The following NCAM2 variants were observed in gnomAD, a reference collection of about 807,000 sequenced individuals.
The protein encoded by NCAM2 is N-CAM-2.
A neutral mutation model predicts 98.1 loss-of-function variants in NCAM2; 30 were observed. The observed-to-expected ratio is 0.31, with a 90% CI of 0.23 to 0.41. The LOEUF is 0.41. NCAM2 is among the 10% of genes least tolerant of loss of function. The pLI is 1.00. For synonymous variants in NCAM2, 368 were observed against 342.4 expected (o/e 1.07, Z -0.83); for missense variants, 867 against 1,005.8 (o/e 0.86, Z 1.87).
chr21:21,533,350 G>A (rs1354761937), intron 16 of NCAM2, among the ~76,000 whole-genome samples: 2 of 151,460 alleles, frequency 1.3e-5, no homozygotes, highest in Non-Finnish European at 3.0e-5. Flanking sequence ...TGTCATTTCC[G>A]GAATGTCATA....
intron 12 of NCAM2, among the ~76,000 whole-genome samples, chr21:21,452,585 T>C (rs1168692673): frequency 8.0e-5 from 7 of 87,598 alleles, no homozygotes; most frequent in Admixed American, 7.8e-4. Context: ...TGTATATATA[T>C]TGTATTGTGC....
At chr21:21,034,773 A>G (rs527959189) in intron 1 of NCAM2, among the ~76,000 whole-genome samples, 1 of 152,264 alleles carries the variant, frequency 6.6e-6, no homozygotes, top group Admixed American at 6.5e-5. Flanking sequence ...CCAGTCCCTC[A>G]TCTACAAAAC....
chr21:21,346,041 A>T (rs1487370957), intron 8 of NCAM2, among the ~76,000 whole-genome samples: 5 of 152,128 alleles, frequency 3.3e-5, no homozygotes, highest in Non-Finnish European at 5.9e-5. Flanking sequence ...GTCCTAACTT[A>T]TGAATAATAA....
chr21:21,259,919 AACACACACACACACACACAC>A (rs10618210), intron 1 of NCAM2, among the ~76,000 whole-genome samples: 34 of 141,972 alleles, frequency 2.4e-4, no homozygotes, highest in Admixed American at 7.9e-4. Flanking sequence ...AATAAGAAGC[AACACACACACACACACACAC>A]ACACACACAC....
rs145291951 is a variant in NCAM2, at chr21:21,171,960, T to TA, written c.56-108613dup. Among the ~76,000 whole-genome samples the TA allele has an allele frequency of 1.2e-3, 177 of 152,252 alleles. 1 individual carries two copies. Among genetic ancestry groups the TA allele is most frequent in the African/African-American group, 4.2e-3 (173 of 41,560 alleles). ...GCAAGAACTTCAGTCCCTTATGTTT[T>TA]AAAAAGCCTAATCACTGTAAGCAAA... On this transcript the variant is annotated intron_variant, in intron 1 of 17. Transcript: ENST00000400546.
intron 12 of NCAM2, among the ~76,000 whole-genome samples, chr21:21,457,035 G>A (rs766435344): frequency 6.6e-5 from 10 of 152,108 alleles, no homozygotes; most frequent in Non-Finnish European, 1.5e-4. Context: ...AAAAAGTAGA[G>A]GTGCTGCTCT....
chr21:21,241,188 T>C (rs577248654), intron 1 of NCAM2, among the ~76,000 whole-genome samples: 1 of 152,246 alleles, frequency 6.6e-6, no homozygotes, highest in East Asian at 1.9e-4. Context: ...TTTGGACATT[T>C]AGAATGTCAA....
intron 1 of NCAM2, among the ~76,000 whole-genome samples, chr21:21,238,617 T>C (rs1291343587): frequency 6.0e-5 from 1 of 16,762 alleles, no homozygotes; most frequent in East Asian, 1.7e-3. Context: ...GAATATGGTG[T>C]GCCAATACTC....
chr21:21,318,301 CTT>C (rs1178803209), intron 5 of NCAM2, among the ~76,000 whole-genome samples: 2 of 152,116 alleles, frequency 1.3e-5, no homozygotes, highest in African/African-American at 2.4e-5. Flanking sequence ...TATTTATTGA[CTT>C]GAGAGATCTT....
At chr21:21,066,885 A>G (rs1164609612) in intron 1 of NCAM2, among the ~76,000 whole-genome samples, 3 of 152,066 alleles carry the variant, frequency 2.0e-5, no homozygotes, top group African/African-American at 7.2e-5. Flanking sequence ...GGAAGTGATC[A>G]TTTGATCTTA....
chr21:21,126,933 A>G (rs765535721), intron 1 of NCAM2, among the ~76,000 whole-genome samples: 4 of 150,502 alleles, frequency 2.7e-5, no homozygotes, highest in Non-Finnish European at 5.9e-5. Context: ...ACCTTCTAGG[A>G]GAAAAAGGTA....
At chr21:21,295,985 T>C (rs1196335562) in intron 5 of NCAM2, among the ~76,000 whole-genome samples, 1 of 151,876 alleles carries the variant, frequency 6.6e-6, no homozygotes, top group Non-Finnish European at 1.5e-5. Flanking sequence ...TATTGAGGTA[T>C]TGAAAATTTA....
intron 8 of NCAM2, among the ~76,000 whole-genome samples, chr21:21,345,468 A>G (rs915026344): frequency 2.0e-5 from 3 of 152,142 alleles, no homozygotes; most frequent in Non-Finnish European, 2.9e-5. Context: ...TCTGGAGCTG[A>G]AAAATGCAGC....
chr21:21,435,741 T>G (rs1261355954), intron 12 of NCAM2, among the ~76,000 whole-genome samples: 3 of 152,230 alleles, frequency 2.0e-5, no homozygotes, highest in African/African-American at 7.2e-5. Flanking sequence ...CTGGTACTAT[T>G]CTTTCTACTT....
chr21:21,377,742 A>T (rs1212404836), intron 9 of NCAM2, among the ~76,000 whole-genome samples: 2 of 151,850 alleles, frequency 1.3e-5, no homozygotes, highest in Non-Finnish European at 2.9e-5. Context: ...CACATTATTG[A>T]CTGTAGTGAT....
At chr21:21,341,140 G>A (rs1450047432) in intron 8 of NCAM2, among the ~76,000 whole-genome samples, 5 of 152,038 alleles carry the variant, frequency 3.3e-5, no homozygotes, top group Non-Finnish European at 5.9e-5. Context: ...GTCAAGTCAC[G>A]CTTGAAGCAT....
intron 15 of NCAM2, among the ~76,000 whole-genome samples, chr21:21,505,322 C>T (rs1240438381): frequency 1.3e-5 from 2 of 152,094 alleles, no homozygotes; most frequent in African/African-American, 4.8e-5. Context: ...AGTGATCACA[C>T]AGTGAGAAGG....
chr21:21,010,379 C>T (rs1249947075), intron 1 of NCAM2, among the ~76,000 whole-genome samples: 3 of 151,982 alleles, frequency 2.0e-5, no homozygotes, highest in African/African-American at 4.8e-5. Flanking sequence ...ATGAAATGTT[C>T]AACTTTACTG....
At chr21:21,479,567 G>C (rs903346487) in intron 15 of NCAM2, among the ~76,000 whole-genome samples, 3 of 74,696 alleles carry the variant, frequency 4.0e-5, no homozygotes, top group African/African-American at 8.5e-5. Context: ...CTGGGAGACA[G>C]AGCGAGACTG....
Sources: gnomAD v4.1 joint callset for allele counts (sites outside exome capture counted in the v4.1 genomes callset) on GRCh38, gnomAD v4.1.1 for gene constraint, MANE v1.5 for transcripts, NCBI Gene and HGNC (gene_info 2026-07-23, HGNC 2026-07-21) for gene names.